IGSF10: variants seen among roughly 807,000 people sequenced by gnomAD.
The protein encoded by IGSF10 is calvaria mechanical force protein 608.
In IGSF10, 126 loss-of-function variants were observed where a neutral mutation model predicts 128.2. The observed-to-expected ratio is 0.98, with a 90% confidence interval of 0.85 to 1.14. IGSF10 has a LOEUF of 1.14. IGSF10 is among the 50% of genes most tolerant of loss of function. The pLI is 0.00. For missense variants in IGSF10, 3,295 were observed against 3,149.8 expected (o/e 1.05, Z -1.10); for synonymous variants, 1,185 against 1,146.2 (o/e 1.03, Z -0.68).
At chr3:151,546,313 C>G in the IGSF10 span, among the ~76,000 whole-genome samples, 1 of 151,922 alleles carries the variant, frequency 6.6e-6, no homozygotes, top group Non-Finnish European at 1.5e-5. Flanking sequence ...CCAACAAGAG[C>G]AACTGATAAA....
the IGSF10 span, among the ~76,000 whole-genome samples, chr3:151,467,268 G>A: frequency 1.3e-5 from 2 of 152,156 alleles, no homozygotes; most frequent in African/African-American, 2.4e-5. Context: ...ATGAAAAAGA[G>A]GAAGTTAGAT....
downstream of IGSF10, chr3:151,434,518 C>T (rs991968365): frequency 2.1e-5 from 1 of 47,976 alleles, no homozygotes; most frequent in Non-Finnish European, 5.0e-5. Context: ...TATCTGCTTT[C>T]AGAAGATGTA....
the IGSF10 span, among the ~76,000 whole-genome samples, chr3:151,496,370 C>T: frequency 0.48 from 64,397 of 134,356 alleles, 15,642 homozygotes; most frequent in African/African-American, 0.57. Flanking sequence ...CACAACAGTC[C>T]GCAGTGTGTG....
At chr3:151,600,031 T>G in the IGSF10 span, among the ~76,000 whole-genome samples, 4 of 152,224 alleles carry the variant, frequency 2.6e-5, no homozygotes, top group Non-Finnish European at 5.9e-5. Flanking sequence ...GACAAAGTAG[T>G]AAGTTGTCTG....
the IGSF10 span, among the ~76,000 whole-genome samples, chr3:151,492,185 T>C: frequency 4.6e-5 from 7 of 152,282 alleles, no homozygotes; most frequent in East Asian, 1.2e-3. Context: ...ACACGATTTT[T>C]TTAAATGGGC....
At chr3:151,461,804 C>T (rs1016303102), upstream of IGSF10, among the ~76,000 whole-genome samples, 4 of 152,094 alleles carry the variant, frequency 2.6e-5, no homozygotes, top group Non-Finnish European at 5.9e-5. Flanking sequence ...AAAAAGATTT[C>T]ACATATATAA....
the IGSF10 span, among the ~76,000 whole-genome samples, chr3:151,507,861 G>T: frequency 6.6e-6 from 1 of 151,810 alleles, no homozygotes; most frequent in Non-Finnish European, 1.5e-5. Flanking sequence ...CTATATACCT[G>T]GAAAGTATTT....
chr3:151,494,465 G>A, the IGSF10 span, among the ~76,000 whole-genome samples: 1 of 152,042 alleles, frequency 6.6e-6, no homozygotes, highest in Non-Finnish European at 1.5e-5. Context: ...ACTAATTCAA[G>A]TAACTAAAAA....
At chr3:151,485,147 T>C in the IGSF10 span, among the ~76,000 whole-genome samples, 1 of 151,958 alleles carries the variant, frequency 6.6e-6, no homozygotes, top group African/African-American at 2.4e-5. Flanking sequence ...AAGAACTTCA[T>C]GAAGCATACA....
At chr3:151,529,740 C>T in the IGSF10 span, among the ~76,000 whole-genome samples, 251 of 152,206 alleles carry the variant, frequency 1.6e-3, 3 homozygotes, top group Middle Eastern at 0.048. Context: ...GATAATTCCA[C>T]GAAGATGAGG....
At chr3:151,472,894 C>T in the IGSF10 span, among the ~76,000 whole-genome samples, 1 of 152,124 alleles carries the variant, frequency 6.6e-6, no homozygotes, top group Non-Finnish European at 1.5e-5. Flanking sequence ...TTACCAAGTT[C>T]TCACCACCCA....
chr3:151,493,828 G>A, the IGSF10 span, among the ~76,000 whole-genome samples: 3 of 143,290 alleles, frequency 2.1e-5, no homozygotes, highest in Non-Finnish European at 3.0e-5. Flanking sequence ...AATTTTTTGT[G>A]TTTTGTTTTT....
the IGSF10 span, among the ~76,000 whole-genome samples, chr3:151,482,907 GT>G: frequency 0.83 from 124,946 of 150,514 alleles, 51,884 homozygotes; most frequent in Middle Eastern, 0.92. Context: ...GTGTTTTTTT[GT>G]TTTTTTTTTT....
chr3:151,517,305 CAAAG>C, the IGSF10 span, among the ~76,000 whole-genome samples: 1 of 151,996 alleles, frequency 6.6e-6, no homozygotes, highest in African/African-American at 2.4e-5. Context: ...AGGGGATTAA[CAAAG>C]AGACTGCTTA....
At chr3:151,523,946 TAAAC>T in the IGSF10 span, among the ~76,000 whole-genome samples, 9 of 152,014 alleles carry the variant, frequency 5.9e-5, no homozygotes, top group African/African-American at 1.2e-4. Flanking sequence ...ATAAGGAACT[TAAAC>T]AAATTTACAG....
the IGSF10 span, among the ~76,000 whole-genome samples, chr3:151,510,702 G>GT: frequency 6.6e-6 from 1 of 152,106 alleles, no homozygotes; most frequent in Non-Finnish European, 1.5e-5. Flanking sequence ...TGGCAAAGAA[G>GT]TTAAAAACTT....
intron 7 of IGSF10, among the ~76,000 whole-genome samples, chr3:151,441,511 G>A (rs956494855): frequency 1.3e-5 from 2 of 152,108 alleles, no homozygotes; most frequent in African/African-American, 4.8e-5. Context: ...GCTGTATTCA[G>A]TATCAACTCG....
chr3:151,527,754 A>G, the IGSF10 span, among the ~76,000 whole-genome samples: 7 of 152,152 alleles, frequency 4.6e-5, no homozygotes, highest in East Asian at 9.6e-4. Context: ...GTTTGAGACC[A>G]GCCTGGGCAA....
the IGSF10 span, among the ~76,000 whole-genome samples, chr3:151,544,705 T>C: frequency 2.0e-5 from 3 of 151,450 alleles, no homozygotes; most frequent in East Asian, 3.9e-4. Context: ...TTTTTTTTTT[T>C]CAATGCCCTG....
Sources: allele counts gnomAD v4.1 joint callset (sites outside exome capture counted in the v4.1 genomes callset), GRCh38; gene constraint gnomAD v4.1.1; transcripts MANE v1.5; gene names NCBI Gene and HGNC (gene_info 2026-07-23, HGNC 2026-07-21).